The following SERINC2 variants were observed in gnomAD, a reference collection of about 807,000 sequenced individuals.
SERINC2 encodes the protein serine incorporator 2.
SERINC2 carries 56 observed loss-of-function variants against 54.2 expected under a neutral mutation model. The ratio of observed to expected loss-of-function variants is 1.03; its 90% CI spans 0.83 to 1.29. SERINC2 has a LOEUF of 1.29. SERINC2 is among the 50% of genes most tolerant of loss of function. The pLI, the probability that SERINC2 is intolerant of heterozygous loss-of-function variation, is 0.00. For synonymous variants in SERINC2, 272 were observed against 253.1 expected (o/e 1.07, Z -0.71); for missense variants, 614 against 607.4 (o/e 1.01, Z -0.12).
intron 1 of SERINC2, among the ~76,000 whole-genome samples, chr1:31,420,547 G>GT (rs199877159): frequency 6.6e-6 from 1 of 150,674 alleles, no homozygotes; most frequent in African/African-American, 2.4e-5. Flanking sequence ...TTGTTTGTTT[G>GT]TTTTTTCATC....
Position 31,434,474 on chromosome 1 carries a change from C to T in SERINC2, c.*275C>T, listed in dbSNP as rs530211842. ...TCCCTGTTGCCCATACTCAGCATCT[C>T]GGATGAAAGGGCTCCCTTGTCCTCA... On this transcript the variant is annotated 3_prime_UTR_variant, in exon 10 of 10. Transcript: ENST00000373709. The T allele has an allele frequency of 3.0e-5, 14 of 473,136 alleles. No homozygotes were observed. Among genetic ancestry groups the T allele is most frequent in the African/African-American group, 1.2e-4 (6 of 51,482 alleles). The allele number at this position is 473,136 out of a possible 1,614,324, so 29.3% of individuals were successfully genotyped here.
At chr1:31,423,908 C>T in intron 2 of SERINC2, 54 bp downstream of exon 2, 1 of 1,552,678 alleles carries the variant, frequency 6.4e-7, no homozygotes, top group Non-Finnish European at 8.8e-7. Context: ...TCAGTGGCTC[C>T]AGGATAGAGG....
intron 2 of SERINC2, 99 bp downstream of exon 2, chr1:31,423,953 G>A (rs1570043062): frequency 1.7e-6 from 2 of 1,185,428 alleles, no homozygotes; most frequent in East Asian, 4.7e-5. Flanking sequence ...TCCAGAAGAG[G>A]AGGCAGGGTG....
At chr1:31,429,997 C>T (rs1480275824) in intron 8 of SERINC2, among the ~76,000 whole-genome samples, 1 of 151,980 alleles carries the variant, frequency 6.6e-6, no homozygotes, top group Non-Finnish European at 1.5e-5. Context: ...TGCTGAAGTT[C>T]ACATAGAGGT....
chr1:31,420,869 T>C (rs1316918729), intron 1 of SERINC2, among the ~76,000 whole-genome samples: 1 of 152,180 alleles, frequency 6.6e-6, no homozygotes, highest in East Asian at 1.9e-4. Context: ...TGAATCTCAG[T>C]GCTGTTATCA....
chr1:31,410,521 A>G (rs1403530012), upstream of SERINC2: 3 of 1,522,022 alleles, frequency 2.0e-6, no homozygotes, highest in Admixed American at 2.3e-5. Flanking sequence ...GTGGCAGCAT[A>G]TTACCTTGCT....
chr1:31,413,782 T>G lies in SERINC2; in HGVS notation c.39+478T>G. 1 of 1,359,908 alleles carries G rather than the reference T, an allele frequency of 7.4e-7. No individual in the cohort carries two copies. Among genetic ancestry groups the G allele is most frequent in the Non-Finnish European group, 9.4e-7 (1 of 1,061,612 alleles). 84.2% of individuals were successfully genotyped at this position (1,359,908 alleles called of 1,614,324 possible). ...CTCTGGCCGCCTGCCAGTCCGCCTG[T>G]TCCTGTCGCTCGGGCTCCGCCTGTC... is the stretch of plus-strand genomic sequence containing the variant. On this transcript the variant is annotated intron_variant, in intron 1 of 9. Transcript: ENST00000373709. The surrounding 1 kb of genome is among the most constrained non-coding windows in gnomAD (Gnocchi z 5.0).
rs1464793917 is a variant in SERINC2 at position 31,426,706 on chromosome 1, G to A, written c.663G>A (p.Ala221=). The A allele has an allele frequency of 4.3e-6, 7 of 1,613,572 alleles. No homozygotes were observed. Among genetic ancestry groups the A allele is most frequent in the Non-Finnish European group, 5.9e-6 (7 of 1,179,704 alleles). The part of the protein sequence containing the change: ...LFYLLSIAAV[A]LMFMYYTEPS... ...ACTTGCTGTCGATCGCGGCCGTGGC[G>A]CTGATGTTCATGTACTACACTGAGC... Residue 221 remains alanine, a synonymous_variant, in exon 6 of 10, where the codon GCG becomes GCA. Coordinates refer to ENST00000373709, the MANE Select transcript of SERINC2 (RefSeq NM_178865.5).
At position 31,426,832 on chromosome 1, in the gene SERINC2, G is replaced by A; in HGVS notation, c.780+9G>A. 1.2e-6 allele frequency: 2 copies of A among 1,611,060 alleles called. No homozygotes were observed. Among genetic ancestry groups the A allele is most frequent in the Non-Finnish European group, 1.7e-6 (2 of 1,177,950 alleles). On this transcript the variant is annotated intron_variant, in intron 6 of 9. Coordinates refer to ENST00000373709, the MANE Select transcript of SERINC2 (RefSeq NM_178865.5). ...TCCTGCCCAAGGTCCAGGTGAGCCT[G>A]CCTGACCCCCCCTGGCCTGAAGCCC...
Position 31,424,739 on chromosome 1 carries a change from C to A in SERINC2, c.258C>A (p.Ile86=), listed in dbSNP as rs190706066. The part of the protein sequence containing the change: ...AGIPTVLQGH[I]DCGSLLGYRA... Reference sequence around the variant, plus strand: ...TCCCCACCGTCCTGCAGGGCCACATCGACTGTGGCTCCCTGCTTGGCTACC... The same window carrying A: ...TCCCCACCGTCCTGCAGGGCCACATAGACTGTGGCTCCCTGCTTGGCTACC... The change falls in exon 3 of 10, where the codon ATC becomes ATA. Residue 86 remains isoleucine (I), a synonymous_variant. Transcript: ENST00000373709. 6.2e-6 allele frequency: 10 copies of A among 1,610,300 alleles called. No individual in the cohort carries two copies. Among genetic ancestry groups the A allele is most frequent in the Non-Finnish European group, 6.8e-6 (8 of 1,178,556 alleles).
rs868921318 is a variant in SERINC2, at chr1:31,432,155, A to T, written c.1014-812A>T. On this transcript the variant is annotated intron_variant, in intron 8 of 9. Coordinates refer to ENST00000373709, the MANE Select transcript of SERINC2 (RefSeq NM_178865.5). Reference sequence around the variant, plus strand: ...AGGGTGGACAGGGTGGACAGGGTGGACAGGGTGGATAGGGTGGATAGGGTG... The same window carrying T: ...AGGGTGGACAGGGTGGACAGGGTGGTCAGGGTGGATAGGGTGGATAGGGTG... Among the ~76,000 whole-genome samples the T allele has an allele frequency of 5.7e-4, 67 of 117,862 alleles. 6 individuals carry two copies. Among genetic ancestry groups the T allele is most frequent in the Non-Finnish European group, 8.2e-4 (46 of 55,786 alleles). The allele number at this position is 117,862 out of a possible 152,430, so 77.3% of individuals were successfully genotyped here.
chr1:31,424,081 G>A (rs1050099525), intron 2 of SERINC2, among the ~76,000 whole-genome samples: 5 of 151,984 alleles, frequency 3.3e-5, no homozygotes, highest in Admixed American at 2.0e-4. Context: ...AATCATTATC[G>A]CCCCCTGGAC....
At chr1:31,414,060 G>A (rs1553131863) in intron 1 of SERINC2, 16 of 1,502,160 alleles carry the variant, frequency 1.1e-5, no homozygotes, top group Admixed American at 2.2e-5. Flanking sequence ...CCTCGAGTGA[G>A]GCGGGTGCGG....
chr1:31,414,253 C>T lies in SERINC2; in HGVS notation c.39+949C>T. The T allele has an allele frequency of 3.0e-6, 4 of 1,337,106 alleles. 1 individual carries two copies. The highest frequency in any genetic ancestry group is 3.8e-6 in the Non-Finnish European group (4 of 1,049,922). The allele number at this position is 1,337,106 out of a possible 1,614,324, so 82.8% of individuals were successfully genotyped here. On this transcript the variant is annotated intron_variant, in intron 1 of 9. Coordinates refer to ENST00000373709, the MANE Select transcript of SERINC2 (RefSeq NM_178865.5). ...GACCCCGGCTGGGAGGCCCGTTCTC[C>T]CTTCCCTTTCCCCAGCCCCCCTCTC...
intron 1 of SERINC2, among the ~76,000 whole-genome samples, chr1:31,420,267 A>G (rs535313985): frequency 2.6e-5 from 4 of 152,270 alleles, no homozygotes; most frequent in Admixed American, 1.3e-4. Context: ...TTTCTCTTTG[A>G]CCTGGTCTCT....
At chr1:31,434,026 C>T (rs565134153) in intron 9 of SERINC2, 38 bp from the exon 10 acceptor site, 54 of 1,605,982 alleles carry the variant, frequency 3.4e-5, no homozygotes, top group Non-Finnish European at 4.5e-5. Flanking sequence ...AGTCACCAGA[C>T]TGGGCACCAG....
intron 1 of SERINC2, chr1:31,415,890 A>G (rs900354045): frequency 1.0e-6 from 1 of 985,546 alleles, no homozygotes; most frequent in African/African-American, 1.7e-5. Context: ...ACTGGGCTGA[A>G]GGTGAACTGG....
chr1:31,414,588 G>A (rs782373983), intron 1 of SERINC2: 16 of 985,564 alleles, frequency 1.6e-5, no homozygotes, highest in Non-Finnish European at 1.9e-5. Context: ...GCCTCATTAG[G>A]CCTCCATTTT....
chr1:31,430,727 T>C (rs1553134334), intron 8 of SERINC2, among the ~76,000 whole-genome samples: 1 of 152,232 alleles, frequency 6.6e-6, no homozygotes, highest in African/African-American at 2.4e-5. Flanking sequence ...TGGCTGTTCT[T>C]ACAAGTCACT....
Sources: allele counts gnomAD v4.1 joint callset (sites outside exome capture counted in the v4.1 genomes callset), GRCh38; gene constraint gnomAD v4.1.1; non-coding constraint Gnocchi (gnomAD v3.1); transcripts MANE v1.5; gene names NCBI Gene and HGNC (gene_info 2026-07-23, HGNC 2026-07-21).